Variants in AEBP2 observed in about 807,000 individuals in gnomAD.
The protein encoded by AEBP2 is zinc finger protein AEBP2.
In AEBP2, 10 loss-of-function variants were observed where a neutral mutation model predicts 50.8. That is an observed-to-expected ratio of 0.20 (90% CI 0.12 to 0.33). AEBP2 has a LOEUF of 0.33. Ranked by LOEUF, AEBP2 falls within the 10% of genes least tolerant of loss-of-function variation. The pLI, the probability that AEBP2 is intolerant of heterozygous loss-of-function variation, is 1.00. For missense variants in AEBP2, 570 were observed against 688.0 expected (o/e 0.83, Z 1.92); for synonymous variants, 296 against 261.3 (o/e 1.13, Z -1.28).
intron 5 of AEBP2, among the ~76,000 whole-genome samples, chr12:19,507,355 G>A (rs986991519): frequency 6.6e-6 from 1 of 152,126 alleles, no homozygotes; most frequent in Non-Finnish European, 1.5e-5. Context: ...GAAATCCTTA[G>A]CTTCACCATG....
At chr12:19,406,623 G>T (rs1170036250) in intron 1 of AEBP2, among the ~76,000 whole-genome samples, 1 of 151,382 alleles carries the variant, frequency 6.6e-6, no homozygotes, top group Non-Finnish European at 1.5e-5. Context: ...GGAGGTTGCA[G>T]TGAGCTGAGA....
At chr12:19,466,702 G>A in intron 2 of AEBP2, 4 of 686,130 alleles carry the variant, frequency 5.8e-6, no homozygotes, top group Non-Finnish European at 7.2e-6. Context: ...GATTTTGTTG[G>A]CCTAATTATT....
chr12:19,475,969 G>GCTGTTTATTTCTGTTTATGTGCAGAAGC (rs1948643169), intron 3 of AEBP2, among the ~76,000 whole-genome samples: 1 of 152,114 alleles, frequency 6.6e-6, no homozygotes, highest in Non-Finnish European at 1.5e-5. Flanking sequence ...CTCCCATTCT[G>GCTGTTTATTTCTGTTTATGTGCAGAAGC]TGGGTTGTCT....
intron 1 of AEBP2, among the ~76,000 whole-genome samples, chr12:19,444,169 A>T (rs528807403): frequency 3.3e-5 from 5 of 152,324 alleles, no homozygotes; most frequent in South Asian, 2.1e-4. Flanking sequence ...AATTTAAAAA[A>T]TTTTAAACAT....
chr12:19,415,081 G>A lies in AEBP2; in HGVS notation c.-17+10865G>A, dbSNP rs961803210. Among the ~76,000 whole-genome samples the A allele has an allele frequency of 2.6e-5, 4 of 151,278 alleles. No homozygotes were observed. In the Admixed American group the frequency reaches 2.6e-4, roughly 10 times the overall value. On this transcript the variant is annotated intron_variant, in intron 1 of 3. Transcript: ENST00000538425. The stretch of plus-strand genomic sequence containing the variant: ...GCCTGTAACTTTGGGAGACTGAGGC[G>A]GGTGGATCAGTTGAGGCCAGGAGTT...
At chr12:19,418,172 C>T (rs961096408) in intron 1 of AEBP2, among the ~76,000 whole-genome samples, 1 of 152,142 alleles carries the variant, frequency 6.6e-6, no homozygotes, top group African/African-American at 2.4e-5. Context: ...GAGCCTTGGT[C>T]TCTACAACCC....
At chr12:19,466,977 G>A (rs1734469632) in intron 2 of AEBP2, 1 of 207,536 alleles carries the variant, frequency 4.8e-6, no homozygotes, top group South Asian at 1.7e-4. Context: ...CCCCTTTTAA[G>A]TTGTTTATGT....
chr12:19,440,078 GGCAGCAGCGGCGGGA>G lies in AEBP2; in HGVS notation c.389_403del (p.Gly130_Ser134del). The G allele has an allele frequency of 6.6e-7, 1 of 1,512,702 alleles. No homozygotes were observed. The highest frequency in any genetic ancestry group is 8.8e-7 in the Non-Finnish European group (1 of 1,136,396). 93.7% of individuals were successfully genotyped at this position (1,512,702 alleles called of 1,614,324 possible). A position where few individuals can be genotyped will look rare whatever the true frequency, so the allele number is the denominator to read the frequency against. On this transcript the variant is annotated inframe_deletion, in exon 1 of 8. Coordinates refer to ENST00000266508, the MANE Select transcript of AEBP2 (RefSeq NM_153207.5). ...GGAGAGTAGCGCCGAGAGCCTGGTG[GGCAGCAGCGGCGGGA>G]GCAGCAGCGACGAGACCCGCTCGTT...
At chr12:19,504,620 TGTG>T (rs2120546277) in intron 5 of AEBP2, among the ~76,000 whole-genome samples, 1 of 152,234 alleles carries the variant, frequency 6.6e-6, no homozygotes, top group East Asian at 1.9e-4. Flanking sequence ...TGAGAACTCT[TGTG>T]GTATTTAGAT....
chr12:19,485,430 G>A (rs1281770022), intron 3 of AEBP2, among the ~76,000 whole-genome samples: 1 of 152,020 alleles, frequency 6.6e-6, no homozygotes, highest in Admixed American at 6.6e-5. Flanking sequence ...AGAGTAGGCC[G>A]GGTGTCCTGG....
chr12:19,504,553 C>T (rs1420861080), intron 5 of AEBP2, among the ~76,000 whole-genome samples: 1 of 151,954 alleles, frequency 6.6e-6, no homozygotes, highest in African/African-American at 2.4e-5. Context: ...TAGTTGTGTA[C>T]TTTTATTACA....
chr12:19,456,345 C>T, intron 1 of AEBP2: 2 of 1,406,570 alleles, frequency 1.4e-6, no homozygotes, highest in Non-Finnish European at 2.0e-6. Context: ...AACTGTCTGT[C>T]TCATATCATG....
chr12:19,473,525 T>C (rs4963540), intron 3 of AEBP2, among the ~76,000 whole-genome samples, 170 bp downstream of exon 3: 3,224 of 152,088 alleles, frequency 0.021, 41 homozygotes, highest in East Asian at 0.044. Context: ...CCTGCCTCAG[T>C]CTCCTGAGTA....
intron 5 of AEBP2, among the ~76,000 whole-genome samples, chr12:19,510,865 C>CTTTTTTTTT (rs58870259): frequency 0.17 from 14,852 of 88,396 alleles, 2,327 homozygotes; most frequent in African/African-American, 0.24. Flanking sequence ...AAGGTAGTGA[C>CTTTTTTTTT]TTTTTTTTTT....
chr12:19,440,009 G>A lies in AEBP2; in HGVS notation c.310G>A (p.Glu104Lys). The change falls in exon 1 of 8, where the codon GAG becomes AAG. Residue 104 changes from glutamate to lysine, a missense_variant. Coordinates refer to ENST00000266508, the MANE Select transcript of AEBP2 (RefSeq NM_153207.5). Reference protein sequence around the residue: ...GEDEDEEEDDEEEEDESSSSG... With the variant: ...GEDEDEEEDDKEEEDESSSSG... Reference sequence around the variant, plus strand: ...GGACGAAGACGAGGAGGAGGACGACGAGGAGGAGGAAGATGAGAGCAGCAG... The same window carrying A: ...GGACGAAGACGAGGAGGAGGACGACAAGGAGGAGGAAGATGAGAGCAGCAG... 2 of 1,525,704 alleles carry A rather than the reference G, an allele frequency of 1.3e-6. No individual in the cohort carries two copies. Among genetic ancestry groups the A allele is most frequent in the Non-Finnish European group, 8.8e-7 (1 of 1,142,428 alleles). The allele number at this position is 1,525,704 out of a possible 1,614,324, so 94.5% of individuals were successfully genotyped here.
In AEBP2 at chr12:19,475,678, T is replaced by C. The variant is rs112687593; in HGVS notation, c.987+2323T>C. Among the ~76,000 whole-genome samples, 435 of 152,234 alleles carry C rather than the reference T, an allele frequency of 2.9e-3. 1 individual carries two copies. Among genetic ancestry groups the C allele is most frequent in the African/African-American group, 9.9e-3 (411 of 41,538 alleles). ...GTTCTTTAAGAAATCTCTGTACGGTTTTCTATAGTGGTTGTATTATATTCT... is the reference window on the plus strand; with the variant it reads ...GTTCTTTAAGAAATCTCTGTACGGTCTTCTATAGTGGTTGTATTATATTCT... On this transcript the variant is annotated intron_variant, in intron 3 of 7. Transcript: ENST00000266508.
chr12:19,481,416 C>T (rs1187589693), intron 3 of AEBP2, among the ~76,000 whole-genome samples: 1 of 151,210 alleles, frequency 6.6e-6, no homozygotes, highest in Non-Finnish European at 1.5e-5. Context: ...AGTGCGTTTT[C>T]TGTTTCTCTT....
At chr12:19,473,425 C>T (rs1948601368) in intron 3 of AEBP2, 70 bp downstream of exon 3, 2 of 544,082 alleles carry the variant, frequency 3.7e-6, no homozygotes, top group African/African-American at 2.4e-5. Context: ...TTATTTATGA[C>T]AGAAGAGTCT....
At chr12:19,484,491 C>T (rs1948778130) in intron 3 of AEBP2, among the ~76,000 whole-genome samples, 1 of 151,904 alleles carries the variant, frequency 6.6e-6, no homozygotes, top group Non-Finnish European at 1.5e-5. Context: ...TCTCCTGCCT[C>T]AGCCTCCCGA....
Sources: allele counts gnomAD v4.1 joint callset (sites outside exome capture counted in the v4.1 genomes callset), GRCh38; gene constraint gnomAD v4.1.1; transcripts MANE v1.5; gene names NCBI Gene and HGNC (gene_info 2026-07-23, HGNC 2026-07-21).